NACC2: variants seen among roughly 807,000 people sequenced by gnomAD.
The protein encoded by NACC2 is nucleus accumbens-associated protein 2.
NACC2 carries 8 observed loss-of-function variants against 25.1 expected under a neutral mutation model. The ratio of observed to expected loss-of-function variants is 0.32; its 90% confidence interval spans 0.19 to 0.57. The LOEUF is 0.57. NACC2 is among the 20% of genes least tolerant of loss of function. NACC2 has a pLI of 0.89. For missense variants in NACC2, 644 were observed against 650.2 expected (o/e 0.99, Z 0.10); for synonymous variants, 435 against 294.7 (o/e 1.48, Z -4.88).
chr9:136,044,250 TCCCACCTGTAATCGCAG>T (rs1213153658), intron 2 of NACC2, among the ~76,000 whole-genome samples: 2 of 152,118 alleles, frequency 1.3e-5, no homozygotes, highest in African/African-American at 4.8e-5. Flanking sequence ...AGTGCGGTGC[TCCCACCTGTAATCGCAG>T]CTTTTTGGGA....
chr9:136,021,701 C>T (rs963420527), intron 2 of NACC2, among the ~76,000 whole-genome samples: 11 of 152,322 alleles, frequency 7.2e-5, no homozygotes, highest in Middle Eastern at 3.4e-3. Flanking sequence ...AGACGCAGCC[C>T]GGATGTCCTG....
intron 3 of NACC2, 57 bp downstream of exon 3, chr9:136,016,208 A>G: frequency 2.5e-6 from 4 of 1,586,514 alleles, no homozygotes; most frequent in Non-Finnish European, 3.4e-6. Context: ...CCAATAAATA[A>G]ATAAATAAAT....
rs1193120613 is a variant in NACC2 at position 136,084,541 on chromosome 9, C to T, written c.-60+10648G>A. Among the ~76,000 whole-genome samples the T allele has an allele frequency of 1.3e-5, 2 of 152,214 alleles. No individual in the cohort carries two copies. Among genetic ancestry groups the T allele is most frequent in the Non-Finnish European group, 2.9e-5 (2 of 68,032 alleles). ...ATCAAATCTGTCAAACTGGCCCAGACCCCGGAGTCAGGGTCACGAAGGCCA... is the reference window on the plus strand; with the variant it reads ...ATCAAATCTGTCAAACTGGCCCAGATCCCGGAGTCAGGGTCACGAAGGCCA... On this transcript the variant is annotated intron_variant, in intron 1 of 5. Transcript: ENST00000277554. This position sits in a 1 kb window ranked among gnomAD's most constrained non-coding sequence, Gnocchi z 5.1.
chr9:136,070,075 A>T (rs1841131749), intron 1 of NACC2, among the ~76,000 whole-genome samples: 1 of 151,980 alleles, frequency 6.6e-6, no homozygotes, highest in African/African-American at 2.4e-5. Flanking sequence ...CAAGAACTTT[A>T]CAAGACTTAA....
At chr9:136,080,622 C>T (rs1830312368) in intron 1 of NACC2, among the ~76,000 whole-genome samples, 1 of 152,114 alleles carries the variant, frequency 6.6e-6, no homozygotes, top group South Asian at 2.1e-4. Flanking sequence ...AGCACACCAT[C>T]CCCCACCCCA....
chr9:136,029,247 C>T (rs981461116), intron 2 of NACC2, among the ~76,000 whole-genome samples: 6 of 152,194 alleles, frequency 3.9e-5, no homozygotes, highest in Admixed American at 2.6e-4. Flanking sequence ...AGCCAGACAA[C>T]AGGATGGCCT....
chr9:136,094,007 C>G lies in NACC2; in HGVS notation c.-60+1182G>C, dbSNP rs76516475. The stretch of plus-strand genomic sequence containing the variant: ...GAAGAAGGGGCGACCTGGAGGGACA[C>G]GGACTCTGGCAGGAGAGTGCGGCCG... On this transcript the variant is annotated intron_variant, in intron 1 of 5. Transcript: ENST00000277554. 4.2e-3 allele frequency among the ~76,000 whole-genome samples: 647 copies of G among 152,356 alleles called. 3 individuals are homozygous for G. Among genetic ancestry groups the G allele is most frequent in the African/African-American group, 0.013 (559 of 41,576 alleles).
intron 2 of NACC2, among the ~76,000 whole-genome samples, chr9:136,024,705 C>T (rs1215656627): frequency 1.3e-5 from 2 of 152,136 alleles, no homozygotes; most frequent in Non-Finnish European, 2.9e-5. Context: ...ACTTTTAAAA[C>T]GCCCCAGAGA....
In NACC2 at chr9:136,050,586, G is replaced by C. The variant is rs1588571859; in HGVS notation, c.-59-6C>G. ...GCGGCCCTAGCGGGGCTCATCTGTG[G>C]GGGGCAGGAGGCACGTGGTCAGTTC... On this transcript the variant is annotated splice_polypyrimidine_tract_variant and splice_region_variant and intron_variant, in intron 1 of 5. Transcript: ENST00000277554. 1.3e-4 allele frequency: 94 copies of C among 713,756 alleles called. No individual in the cohort carries two copies. The highest frequency in any genetic ancestry group is 1.3e-3 in the South Asian group (90 of 68,544). 44.2% of individuals were successfully genotyped at this position (713,756 alleles called of 1,614,324 possible). A position where few individuals can be genotyped will look rare whatever the true frequency, so the allele number is the denominator to read the frequency against.
rs1279074673 is a variant in NACC2 at position 136,084,512 on chromosome 9, A to C, written c.-60+10677T>G. Reference sequence around the variant, plus strand: ...ACAGACAAACCTACCTCGAGGGTCCATCTATCAAATCTGTCAAACTGGCCC... The same window carrying C: ...ACAGACAAACCTACCTCGAGGGTCCCTCTATCAAATCTGTCAAACTGGCCC... On this transcript the variant is annotated intron_variant, in intron 1 of 5. Coordinates refer to ENST00000277554, the MANE Select transcript of NACC2 (RefSeq NM_144653.5). This position sits in a 1 kb window ranked among gnomAD's most constrained non-coding sequence, Gnocchi z 5.1. Among the ~76,000 whole-genome samples the C allele has an allele frequency of 1.3e-5, 2 of 152,208 alleles. No homozygotes were observed. Among genetic ancestry groups the C allele is most frequent in the Non-Finnish European group, 1.5e-5 (1 of 68,034 alleles).
At chr9:136,074,588 C>G (rs4419885) in intron 1 of NACC2, among the ~76,000 whole-genome samples, 90,846 of 151,130 alleles carry the variant, frequency 0.6, 28,532 homozygotes, top group Non-Finnish European at 0.7. Context: ...CACAGACGGA[C>G]AGGTCAAAAC....
At chr9:136,053,501 C>T (rs1180894327) in intron 1 of NACC2, among the ~76,000 whole-genome samples, 3 of 152,206 alleles carry the variant, frequency 2.0e-5, no homozygotes, top group Non-Finnish European at 2.9e-5. Flanking sequence ...GTCACCCTCC[C>T]CGCCACACCC....
chr9:136,023,248 A>G (rs918606178), intron 2 of NACC2, among the ~76,000 whole-genome samples: 1 of 151,248 alleles, frequency 6.6e-6, no homozygotes, highest in African/African-American at 2.4e-5. Context: ...CTGCGGGGGA[A>G]GATGTGGGGG....
At chr9:136,024,155 A>AGTGTGT (rs71507095) in intron 2 of NACC2, among the ~76,000 whole-genome samples, 1 of 123,554 alleles carries the variant, frequency 8.1e-6, no homozygotes, top group Non-Finnish European at 1.7e-5. Context: ...GTGGGGACAG[A>AGTGTGT]GTGTGTGTGT....
chr9:136,075,496 C>T (rs1178709727), intron 1 of NACC2, among the ~76,000 whole-genome samples: 1 of 152,266 alleles, frequency 6.6e-6, no homozygotes. Context: ...CCGTCTCCTA[C>T]ATCGCGGTAC....
intron 1 of NACC2, among the ~76,000 whole-genome samples, chr9:136,083,977 C>T (rs551342561): frequency 7.9e-5 from 12 of 152,274 alleles, no homozygotes; most frequent in South Asian, 2.1e-4. Flanking sequence ...CAACTTCTCC[C>T]GCATCACTGG....
chr9:136,057,525 T>C (rs1031023667), intron 1 of NACC2, among the ~76,000 whole-genome samples: 2 of 152,224 alleles, frequency 1.3e-5, no homozygotes, highest in African/African-American at 4.8e-5. Context: ...TTAAGCTGTG[T>C]TTCGAAAAGA....
At chr9:136,089,739 G>A (rs1036288772) in intron 1 of NACC2, among the ~76,000 whole-genome samples, 1 of 151,624 alleles carries the variant, frequency 6.6e-6, no homozygotes, top group Non-Finnish European at 1.5e-5. Flanking sequence ...TAGGAGCCAC[G>A]GCCGACCACT....
Position 136,093,866 on chromosome 9 carries a change from C to G in NACC2, c.-60+1323G>C, listed in dbSNP as rs567658636. ...GAACCCTGACCTAACTCTAGGCGCCCCTGCTGGGGGGTGCTACAGGCTAAA... is the reference window on the plus strand; with the variant it reads ...GAACCCTGACCTAACTCTAGGCGCCGCTGCTGGGGGGTGCTACAGGCTAAA... On this transcript the variant is annotated intron_variant, in intron 1 of 5. Transcript: ENST00000277554. Among the ~76,000 whole-genome samples the G allele has an allele frequency of 1.4e-4, 22 of 152,300 alleles. No homozygotes were observed. In the East Asian group the frequency reaches 4.1e-3, roughly 28 times the overall value.
Sources: gnomAD v4.1 joint callset for allele counts (sites outside exome capture counted in the v4.1 genomes callset) on GRCh38, gnomAD v4.1.1 for gene constraint, Gnocchi (gnomAD v3.1) non-coding constraint, MANE v1.5 for transcripts, NCBI Gene and HGNC (gene_info 2026-07-23, HGNC 2026-07-21) for gene names.